ATP2C2: variants seen among roughly 807,000 people sequenced by gnomAD.
ATP2C2 encodes the protein ATPase secretory pathway Ca2+ transporting 2, also known as calcium-transporting ATPase type 2C member 2.
Under a neutral mutation model 110.8 loss-of-function variants are expected in ATP2C2, and 171 were observed. The ratio of observed to expected loss-of-function variants is 1.54; its 90% CI spans 1.36 to 1.75. ATP2C2 has a LOEUF of 1.75. Among genes scored for constraint, ATP2C2 ranks in the 40% most tolerant of loss-of-function variants. The pLI is 0.00. For synonymous variants in ATP2C2, 804 were observed against 508.4 expected, an observed-to-expected ratio of 1.58 and a Z score of -7.82; for missense variants, 1,963 against 1,235.0, an observed-to-expected ratio of 1.59 and a Z score of -8.84.
intron 1 of ATP2C2, among the ~76,000 whole-genome samples, chr16:84,386,969 T>C (rs184395274): frequency 1.2e-4 from 18 of 152,306 alleles, no homozygotes; most frequent in Admixed American, 9.8e-4. Context: ...CCTTCTGAGT[T>C]CTTTTGCAAT....
intron 15 of ATP2C2, among the ~76,000 whole-genome samples, chr16:84,444,707 TAGAGAGG>T (rs1909586880): frequency 6.6e-6 from 1 of 152,134 alleles, no homozygotes; most frequent in Admixed American, 6.5e-5. Flanking sequence ...CCCTGCAGCC[TAGAGAGG>T]AGAGAGGTTC....
At position 84,463,648 on chromosome 16, in the gene ATP2C2, C is replaced by T. The variant is rs760088090; in HGVS notation, c.2757C>T (p.Val919=). ...TTTTAACTGGATTGGCCTCATCCGT[C>T]TTCATTTTGTCAGAGCTCCTCAAAC... ...LLFLTGLASS[V]FILSELLKLC... is the part of the protein sequence containing the mutation. Residue 919 remains valine, a synonymous_variant, in exon 27 of 27, where the codon GTC becomes GTT. Coordinates refer to ENST00000262429, the MANE Select transcript of ATP2C2 (RefSeq NM_014861.4). 1 of 1,614,226 alleles carries T rather than the reference C, an allele frequency of 6.2e-7. No individual in the cohort carries two copies. The highest frequency in any genetic ancestry group is 8.5e-7 in the Non-Finnish European group (1 of 1,180,038).
chr16:84,368,763 C>A (rs769916204), intron 1 of ATP2C2, 49 bp downstream of exon 1: 3 of 1,418,736 alleles, frequency 2.1e-6, no homozygotes, highest in Non-Finnish European at 2.8e-6. Flanking sequence ...CCCCCCATCC[C>A]CTCCGTCGTA....
intron 11 of ATP2C2, among the ~76,000 whole-genome samples, chr16:84,436,390 G>A (rs1009825558): frequency 8.5e-5 from 13 of 152,124 alleles, no homozygotes; most frequent in African/African-American, 2.4e-4. Flanking sequence ...CGCCCTGGCC[G>A]ATTTCACGTA....
intron 26 of ATP2C2, chr16:84,463,014 A>C (rs1287531480): frequency 6.4e-6 from 1 of 155,692 alleles, no homozygotes; most frequent in Non-Finnish European, 1.4e-5. Context: ...AGGAACAGAC[A>C]AGAGGACCCC....
At position 84,422,362 on chromosome 16, in the gene ATP2C2, C is replaced by A. The variant is rs74038216; in HGVS notation, c.625-28C>A. The A allele has an allele frequency of 5.5e-4, 881 of 1,604,294 alleles. 6 individuals carry two copies. In the African/African-American group the frequency reaches 0.011, roughly 19 times the overall value. ...CAATTCTCGGGGTGACAGAGAGATTCCACAGCCTTTTCCCCTTGCTCTCCT... is the reference window on the plus strand; with the variant it reads ...CAATTCTCGGGGTGACAGAGAGATTACACAGCCTTTTCCCCTTGCTCTCCT... On this transcript the variant is annotated intron_variant, in intron 7 of 26. Transcript: ENST00000262429.
intron 7 of ATP2C2, among the ~76,000 whole-genome samples, chr16:84,417,396 G>A (rs1290600761): frequency 6.6e-6 from 1 of 152,150 alleles, no homozygotes; most frequent in East Asian, 1.9e-4. Context: ...CATTTCACAG[G>A]GTTATTGTGA....
At position 84,426,770 on chromosome 16, in the gene ATP2C2, A is replaced by G. The variant is rs112343227; in HGVS notation, c.986+969A>G. 6.8e-3 allele frequency among the ~76,000 whole-genome samples: 1,031 copies of G among 152,314 alleles called. 15 individuals are homozygous for G. The highest frequency in any genetic ancestry group is 0.024 in the African/African-American group (991 of 41,562). On this transcript the variant is annotated intron_variant, in intron 11 of 26. Transcript: ENST00000262429. ...TACAGAGGAGGCTATCAGAGCGGCA[A>G]TGGATGTAGAGCCCAAGGCCACACG...
At chr16:84,399,379 G>T (rs193099176) in intron 2 of ATP2C2, among the ~76,000 whole-genome samples, 1 of 152,170 alleles carries the variant, frequency 6.6e-6, no homozygotes, top group South Asian at 2.1e-4. Flanking sequence ...AAATGAGCTA[G>T]ATTTTCTTTC....
intron 1 of ATP2C2, among the ~76,000 whole-genome samples, chr16:84,385,966 A>G (rs898387949): frequency 6.6e-6 from 1 of 152,204 alleles, no homozygotes; most frequent in African/African-American, 2.4e-5. Flanking sequence ...GTTACTATCA[A>G]TATTTATTTT....
intron 26 of ATP2C2, 107 bp from the exon 27 acceptor site, chr16:84,463,507 C>G (rs1911604638): frequency 1.1e-6 from 1 of 919,864 alleles, no homozygotes; most frequent in African/African-American, 1.6e-5. Flanking sequence ...AAGGGCTGGT[C>G]CTCCGCACCT....
chr16:84,379,849 A>G (rs946187596), intron 1 of ATP2C2, among the ~76,000 whole-genome samples: 2 of 152,150 alleles, frequency 1.3e-5, no homozygotes, highest in Non-Finnish European at 2.9e-5. Flanking sequence ...ATAATTACAC[A>G]CTGAGATAAA....
Position 84,452,033 on chromosome 16 carries a change from G to A in ATP2C2, c.1773G>A (p.Glu591=). Residue 591 remains glutamate (E), a synonymous_variant, in exon 18 of 27, where the codon GAG becomes GAA. Transcript: ENST00000262429. ...GVKEAVQVLS[E]SGVSVKMITG... is the part of the protein sequence containing the mutation. The stretch of plus-strand genomic sequence containing the variant: ...AGGAAGCAGTCCAGGTTCTCTCCGA[G>A]TCTGGTGTGTCTGTGAAGATGATAA... 6.2e-7 allele frequency: 1 copy of A among 1,613,858 alleles called. No individual in the cohort carries two copies. The highest frequency in any genetic ancestry group is 8.5e-7 in the Non-Finnish European group (1 of 1,179,990).
intron 21 of ATP2C2, among the ~76,000 whole-genome samples, chr16:84,458,601 T>C (rs1011622515): frequency 6.6e-6 from 1 of 152,136 alleles, no homozygotes; most frequent in Non-Finnish European, 1.5e-5. Flanking sequence ...CGGTGCGTAA[T>C]TGTTTTTCTA....
chr16:84,459,671 C>G (rs1911077735), intron 23 of ATP2C2: 2 of 1,236,442 alleles, frequency 1.6e-6, no homozygotes, highest in South Asian at 1.4e-5. Flanking sequence ...ATGCTTCATT[C>G]CAGTCACCAG....
chr16:84,437,835 C>A (rs1318178414), intron 11 of ATP2C2, among the ~76,000 whole-genome samples: 2 of 152,204 alleles, frequency 1.3e-5, no homozygotes, highest in African/African-American at 4.8e-5. Context: ...TTCTTATCGC[C>A]TCAAAAAGAA....
chr16:84,420,670 G>T (rs952541397), intron 7 of ATP2C2, among the ~76,000 whole-genome samples: 1 of 151,968 alleles, frequency 6.6e-6, no homozygotes, highest in African/African-American at 2.4e-5. Context: ...GACACTTTCA[G>T]ATCCCCATAG....
intron 15 of ATP2C2, among the ~76,000 whole-genome samples, chr16:84,443,846 G>C (rs1250790001): frequency 2.0e-5 from 3 of 152,146 alleles, no homozygotes; most frequent in African/African-American, 4.8e-5. Flanking sequence ...CGTGTTGGTA[G>C]ATCAGGTGCT....
At chr16:84,414,486 G>A (rs550065525) in intron 6 of ATP2C2, among the ~76,000 whole-genome samples, 2 of 152,234 alleles carry the variant, frequency 1.3e-5, no homozygotes, top group Admixed American at 6.5e-5. Flanking sequence ...GCGTGCACGC[G>A]CGTGTACAGT....
Sources: gnomAD v4.1 joint callset for allele counts (sites outside exome capture counted in the v4.1 genomes callset) on GRCh38, gnomAD v4.1.1 for gene constraint, MANE v1.5 for transcripts, NCBI Gene and HGNC (gene_info 2026-07-23, HGNC 2026-07-21) for gene names.